The following RBFOX1 variants were observed in gnomAD, a reference collection of about 807,000 sequenced individuals.
The protein encoded by RBFOX1 is RNA binding protein fox-1 homolog 1.
In RBFOX1, 8 loss-of-function variants were observed where a neutral mutation model predicts 57.7. The ratio of observed to expected loss-of-function variants is 0.14; its 90% CI spans 0.08 to 0.25. The LOEUF (loss-of-function observed/expected upper bound fraction) is 0.25. Ranked by LOEUF, RBFOX1 falls within the 10% of genes least tolerant of loss-of-function variation. RBFOX1 has a pLI of 1.00. For missense variants in RBFOX1, 611 were observed against 548.5 expected (o/e 1.11, Z -1.14); for synonymous variants, 326 against 222.4 (o/e 1.47, Z -4.15).
At chr16:6,659,419 T>G (rs1422323105) in intron 3 of RBFOX1, among the ~76,000 whole-genome samples, 2 of 152,154 alleles carry the variant, frequency 1.3e-5, no homozygotes, top group African/African-American at 4.8e-5. Flanking sequence ...GTGCTGTGGT[T>G]AACACTGAGA....
At chr16:6,563,061 C>T (rs931573292) in intron 2 of RBFOX1, among the ~76,000 whole-genome samples, 40 of 151,880 alleles carry the variant, frequency 2.6e-4, no homozygotes, top group African/African-American at 9.7e-4. Flanking sequence ...GCTGCAGGGG[C>T]AGGGGGCCAT....
chr16:7,266,099 C>G (rs2095129535), intron 4 of RBFOX1, among the ~76,000 whole-genome samples: 1 of 151,498 alleles, frequency 6.6e-6, no homozygotes, highest in South Asian at 2.1e-4. Flanking sequence ...CTCAGCCTCC[C>G]AAGTAGCTGG....
intron 3 of RBFOX1, among the ~76,000 whole-genome samples, chr16:5,725,222 C>T (rs539441045): frequency 7.9e-5 from 12 of 152,160 alleles, no homozygotes; most frequent in East Asian, 3.9e-4. Context: ...CTCTAGTCTG[C>T]GGTATCTTTT....
At chr16:7,418,978 C>T (rs1380024132) in intron 4 of RBFOX1, among the ~76,000 whole-genome samples, 1 of 152,116 alleles carries the variant, frequency 6.6e-6, no homozygotes, top group Non-Finnish European at 1.5e-5. Context: ...AATCAGAGCT[C>T]ACTGCACCCT....
At chr16:7,254,486 C>G (rs1217120209) in intron 4 of RBFOX1, among the ~76,000 whole-genome samples, 3 of 108,640 alleles carry the variant, frequency 2.8e-5, no homozygotes, top group African/African-American at 1.1e-4. Flanking sequence ...ATGTTCCTGT[C>G]TCTCTCTCTC....
chr16:7,033,435 G>A (rs1227539102), intron 3 of RBFOX1, among the ~76,000 whole-genome samples: 5 of 152,096 alleles, frequency 3.3e-5, no homozygotes, highest in South Asian at 2.1e-4. Flanking sequence ...CAGGAGATTC[G>A]CTTGATCCCG....
chr16:6,472,782 C>G (rs2095207968), intron 2 of RBFOX1, among the ~76,000 whole-genome samples: 1 of 151,928 alleles, frequency 6.6e-6, no homozygotes, highest in Non-Finnish European at 1.5e-5. Flanking sequence ...GCCACCATGC[C>G]CAGCTGTTTT....
chr16:6,497,625 T>C (rs998923907), intron 2 of RBFOX1, among the ~76,000 whole-genome samples: 1 of 151,856 alleles, frequency 6.6e-6, no homozygotes, highest in African/African-American at 2.4e-5. Context: ...GGCGCGATCT[T>C]GGCTTACTGC....
At chr16:7,463,081 G>A (rs778406233) in intron 4 of RBFOX1, among the ~76,000 whole-genome samples, 82 of 152,254 alleles carry the variant, frequency 5.4e-4, no homozygotes, top group Middle Eastern at 3.4e-3. Flanking sequence ...TCTAGATGCT[G>A]GCAAGTCCAA....
intron 3 of RBFOX1, among the ~76,000 whole-genome samples, chr16:6,749,509 G>A (rs962679222): frequency 6.6e-6 from 1 of 152,152 alleles, no homozygotes; most frequent in East Asian, 1.9e-4. Flanking sequence ...AGGATACTGA[G>A]GTTCTGGGGA....
intron 3 of RBFOX1, among the ~76,000 whole-genome samples, chr16:5,716,456 A>G (rs974208851): frequency 6.6e-6 from 1 of 152,222 alleles, no homozygotes; most frequent in Non-Finnish European, 1.5e-5. Flanking sequence ...CATGAAAAAA[A>G]CCTCAGCTTC....
At chr16:5,954,226 C>T (rs1176238250) in intron 4 of RBFOX1, among the ~76,000 whole-genome samples, 1 of 152,148 alleles carries the variant, frequency 6.6e-6, no homozygotes, top group Non-Finnish European at 1.5e-5. Context: ...TGGCCGTGGT[C>T]TCATGGATGG....
chr16:6,912,327 T>G (rs577341405), intron 3 of RBFOX1, among the ~76,000 whole-genome samples: 2 of 152,268 alleles, frequency 1.3e-5, no homozygotes, highest in African/African-American at 4.8e-5. Flanking sequence ...GGGGTGGAGC[T>G]CTGTAATTTA....
At position 5,625,576 on chromosome 16, in the gene RBFOX1, G is replaced by A. The variant is rs1045837388; in HGVS notation, c.318+26615G>A. ...TTTATTTATTTATTTATTTATTTTC[G>A]AGATGGAGTTTTGCTCTGTCACCCC... is the stretch of plus-strand genomic sequence containing the variant. On this transcript the variant is annotated intron_variant, in intron 3 of 19. Transcript: ENST00000641259. Among the ~76,000 whole-genome samples the A allele has an allele frequency of 2.0e-4, 12 of 59,110 alleles. No individual in the cohort carries two copies. In the South Asian group the frequency reaches 4.3e-3, roughly 21 times the overall value. 38.8% of individuals were successfully genotyped at this position (59,110 alleles called of 152,430 possible).
At chr16:7,265,763 A>T (rs1411689439) in intron 4 of RBFOX1, among the ~76,000 whole-genome samples, 1 of 151,872 alleles carries the variant, frequency 6.6e-6, no homozygotes, top group East Asian at 2.0e-4. Flanking sequence ...GTCTTTTCTG[A>T]TAAGGACACT....
intron 3 of RBFOX1, among the ~76,000 whole-genome samples, chr16:6,765,771 T>C (rs758328191): frequency 3.9e-5 from 6 of 152,172 alleles, no homozygotes; most frequent in South Asian, 2.1e-4. Context: ...AAGGAAAATA[T>C]GGTATATTCA....
chr16:6,842,632 GT>G (rs5815348), intron 3 of RBFOX1, among the ~76,000 whole-genome samples: 3 of 145,038 alleles, frequency 2.1e-5, no homozygotes, highest in South Asian at 2.2e-4. Flanking sequence ...CATTTAGACT[GT>G]TTTTTTTAAA....
intron 1 of RBFOX1, among the ~76,000 whole-genome samples, chr16:5,325,049 G>A (rs139545236): frequency 2.6e-5 from 4 of 152,258 alleles, no homozygotes; most frequent in Non-Finnish European, 2.9e-5. Flanking sequence ...TGACAAACCT[G>A]CACATGAGCC....
At chr16:7,519,710 G>A (rs1045321701) in intron 5 of RBFOX1, 5 of 985,202 alleles carry the variant, frequency 5.1e-6, no homozygotes, top group Non-Finnish European at 6.0e-6. Context: ...CATTTTTTGA[G>A]TGTAAGGCAA....
Sources: gnomAD v4.1 joint callset for allele counts (sites outside exome capture counted in the v4.1 genomes callset) on GRCh38, gnomAD v4.1.1 for gene constraint, MANE v1.5 for transcripts, NCBI Gene and HGNC (gene_info 2026-07-23, HGNC 2026-07-21) for gene names.